The following USP35 variants were observed in gnomAD, a reference collection of about 807,000 sequenced individuals.
USP35 encodes the protein ubiquitin specific peptidase 35, also known as ubiquitin carboxyl-terminal hydrolase 35.
In USP35, 69 loss-of-function variants were observed where a neutral mutation model predicts 83.8. That is an observed-to-expected ratio of 0.82 (90% confidence interval 0.68 to 1.01). USP35 has a LOEUF of 1.01. Among genes scored for constraint, USP35 ranks in the 50% least tolerant of loss-of-function variants. The pLI is 0.00. For synonymous variants in USP35, 714 were observed against 589.5 expected, an observed-to-expected ratio of 1.21 and a Z score of -3.06; for missense variants, 1,503 against 1,362.5, an observed-to-expected ratio of 1.10 and a Z score of -1.62.
intron 1 of USP35, among the ~76,000 whole-genome samples, chr11:78,191,331 C>T (rs1396974350): frequency 1.3e-5 from 2 of 152,210 alleles, no homozygotes; most frequent in Non-Finnish European, 2.9e-5. Context: ...TTCCTGAGTG[C>T]TCACTGCGTG....
intron 7 of USP35, 27 bp from the exon 8 acceptor site, chr11:78,207,503 C>T (rs199582738): frequency 3.1e-4 from 494 of 1,612,656 alleles, no homozygotes; most frequent in Admixed American, 4.0e-4. Context: ...CATGGCTTAC[C>T]CTGGGTGCCC....
chr11:78,219,093 G>C (rs1017195824), downstream of USP35: 6 of 607,470 alleles, frequency 9.9e-6, no homozygotes, highest in Non-Finnish European at 1.7e-5. Flanking sequence ...GAGGTGCCTT[G>C]ATCAGGCCCT....
chr11:78,198,617 G>T (rs1182674041), intron 3 of USP35: 1 of 985,294 alleles, frequency 1.0e-6, no homozygotes, highest in African/African-American at 1.7e-5. Flanking sequence ...CACCTGGCAT[G>T]CCTCCCTCTG....
At position 78,198,051 on chromosome 11, in the gene USP35, G is replaced by A; in HGVS notation, c.789G>A (p.Met263Ile). The A allele has an allele frequency of 6.2e-7, 1 of 1,614,234 alleles. No homozygotes were observed. Among genetic ancestry groups the A allele is most frequent in the Middle Eastern group, 1.6e-4 (1 of 6,062 alleles). ...ATGACAGTGTGACAGACTCGCAGAT[G>A]CTGACTGCCATTAGCAGGTGGGACG... is the stretch of plus-strand genomic sequence containing the variant. ...SNDDSVTDSQ[M>I]LTAISRMIDW... is the part of the protein sequence containing the mutation. Residue 263 changes from methionine (M) to isoleucine (I), a missense_variant, in exon 3 of 11, where the codon ATG becomes ATA. Coordinates refer to ENST00000529308, the MANE Select transcript of USP35 (RefSeq NM_020798.4).
downstream of USP35, chr11:78,217,123 A>C (rs569697228): frequency 7.0e-6 from 1 of 143,514 alleles, no homozygotes; most frequent in African/African-American, 2.8e-5. Context: ...TTTTCCTAGA[A>C]TCCACCTTCC....
chr11:78,221,427 G>C, the USP35 span, among the ~76,000 whole-genome samples: 5 of 152,184 alleles, frequency 3.3e-5, no homozygotes, highest in Non-Finnish European at 7.3e-5. Context: ...ACTGTCATGA[G>C]AGGCAGGCCC....
chr11:78,226,382 G>A, the USP35 span: 2 of 1,114,176 alleles, frequency 1.8e-6, no homozygotes, highest in South Asian at 2.5e-5. Flanking sequence ...CCTCGGCCAT[G>A]GATGACCAAG....
chr11:78,214,410 G>GCA lies in USP35; in HGVS notation c.*598_*599dup, dbSNP rs1863994745. 7.7e-6 allele frequency: 1 copy of GCA among 130,256 alleles called. No individual in the cohort carries two copies. Among genetic ancestry groups the GCA allele is most frequent in the South Asian group, 2.4e-4 (1 of 4,236 alleles). 8.1% of individuals were successfully genotyped at this position (130,256 alleles called of 1,614,324 possible). On this transcript the variant is annotated 3_prime_UTR_variant, in exon 11 of 11. Transcript: ENST00000529308. ...GGGGGCGGGGGGCTAGCTTCTCACA[G>GCA]CAGGAGGCCTTTGCCCCCACAGCCC...
At chr11:78,204,192 T>A (rs1444223017) in intron 6 of USP35, among the ~76,000 whole-genome samples, 1 of 152,260 alleles carries the variant, frequency 6.6e-6, no homozygotes, top group East Asian at 1.9e-4. Flanking sequence ...GCCCGGCCTA[T>A]TTTTCTTTGA....
the USP35 span, among the ~76,000 whole-genome samples, chr11:78,226,213 T>C: frequency 2.4e-4 from 37 of 152,238 alleles, no homozygotes; most frequent in Non-Finnish European, 3.8e-4. Context: ...ATCAAGAATG[T>C]CCTATTCTCC....
At chr11:78,197,812 G>A (rs1170465894) in intron 2 of USP35, 124 bp from the exon 3 acceptor site, 11 of 1,351,872 alleles carry the variant, frequency 8.1e-6, no homozygotes, top group Admixed American at 5.5e-5. Context: ...TAGGAGAGGA[G>A]GTGGCCTCTG....
chr11:78,207,846 T>C (rs1043821855), intron 8 of USP35, among the ~76,000 whole-genome samples: 1 of 152,232 alleles, frequency 6.6e-6, no homozygotes, highest in African/African-American at 2.4e-5. Context: ...TGCCCAATCT[T>C]TCCCTTTGGC....
chr11:78,210,494 C>T lies in USP35; in HGVS notation c.2639C>T (p.Thr880Ile), dbSNP rs1863722189. The T allele has an allele frequency of 6.2e-7, 1 of 1,614,096 alleles. No homozygotes were observed. Among genetic ancestry groups the T allele is most frequent in the Non-Finnish European group, 8.5e-7 (1 of 1,180,000 alleles). The change falls in exon 10 of 11, where the codon ACT (threonine) becomes ATT (isoleucine). Residue 880 changes from threonine (T) to isoleucine (I), a missense_variant. By Grantham distance (89) the Thr-to-Ile change is moderately conservative. Coordinates refer to ENST00000529308, the MANE Select transcript of USP35 (RefSeq NM_020798.4). ...GCCCGCCCTGCCGCTTCTCTGGGAACTGCCGATAGGCCAGAGCCCGAGAAC... is the reference window on the plus strand; with the variant it reads ...GCCCGCCCTGCCGCTTCTCTGGGAATTGCCGATAGGCCAGAGCCCGAGAAC... ...GAARPAASLG[T>I]ADRPEPENQW... is the part of the protein sequence containing the mutation.
chr11:78,194,546 A>G (rs917921501), intron 1 of USP35, among the ~76,000 whole-genome samples: 2 of 152,202 alleles, frequency 1.3e-5, no homozygotes, highest in East Asian at 1.9e-4. Context: ...CGAAGCAAAG[A>G]AATGGTTCTG....
At chr11:78,217,945 G>A (rs1368541803), downstream of USP35, 1 of 152,762 alleles carries the variant, frequency 6.5e-6, no homozygotes, top group Admixed American at 6.5e-5. Context: ...TGTCCTGCCT[G>A]ACCCACTGTC....
In USP35 at chr11:78,210,637, A is replaced by T. The variant is rs1436558888; in HGVS notation, c.2782A>T (p.Arg928Trp). 1.9e-6 allele frequency: 3 copies of T among 1,614,136 alleles called. No homozygotes were observed. Among genetic ancestry groups the T allele is most frequent in the Non-Finnish European group, 2.5e-6 (3 of 1,179,976 alleles). Residue 928 changes from arginine (R) to tryptophan (W), a missense_variant, in exon 10 of 11, where the codon AGG (arginine) becomes TGG (tryptophan). Arg to Trp is a moderately radical substitution (Grantham distance 101, BLOSUM62 -3). Coordinates refer to ENST00000529308, the MANE Select transcript of USP35 (RefSeq NM_020798.4). Reference protein sequence around the residue: ...AYVLFYRQRPREGPEAELGSS... With the variant: ...AYVLFYRQRPWEGPEAELGSS... ...TGTGCTGTTTTACCGGCAGCGGCCC[A>T]GGGAGGGGCCCGAGGCTGAGTTGGG...
In USP35 at chr11:78,200,905, C is replaced by A; in HGVS notation, c.1197+97C>A. ...CATACCACAGCTTGGTGGCAGTCCC[C>A]GTCATTTGGTGCCTGGCTGTCTCCC... On this transcript the variant is annotated intron_variant, in intron 6 of 10. Transcript: ENST00000529308. The A allele has an allele frequency of 2.7e-6, 4 of 1,477,602 alleles. No homozygotes were observed. The South Asian group carries it at 4.2e-5, about 15-fold the overall frequency. The allele number at this position is 1,477,602 out of a possible 1,614,324, so 91.5% of individuals were successfully genotyped here. A position where few individuals can be genotyped will look rare whatever the true frequency, so the allele number is the denominator to read the frequency against.
intron 6 of USP35, among the ~76,000 whole-genome samples, chr11:78,201,439 G>A (rs1863357976): frequency 1.3e-5 from 2 of 152,254 alleles, no homozygotes; most frequent in Admixed American, 1.3e-4. Context: ...GCAGCCTGGT[G>A]AGGGTGACAG....
the USP35 span, among the ~76,000 whole-genome samples, chr11:78,228,415 T>A: frequency 6.6e-6 from 1 of 152,324 alleles, no homozygotes; most frequent in South Asian, 2.1e-4. Flanking sequence ...CAAAAGCTCT[T>A]GGAGTGTCTC....
Sources: allele counts gnomAD v4.1 joint callset (sites outside exome capture counted in the v4.1 genomes callset), GRCh38; gene constraint gnomAD v4.1.1; transcripts MANE v1.5; gene names NCBI Gene and HGNC (gene_info 2026-07-23, HGNC 2026-07-21).